PPP2R5C: variants seen among roughly 807,000 people sequenced by gnomAD.
PPP2R5C encodes the protein serine/threonine-protein phosphatase 2A 56 kDa regulatory subunit gamma isoform.
Under a neutral mutation model 68.9 loss-of-function variants are expected in PPP2R5C, and 7 were observed. The observed-to-expected ratio is 0.10, with a 90% CI of 0.06 to 0.19. PPP2R5C has a LOEUF of 0.19. Ranked by LOEUF, PPP2R5C falls within the 10% of genes least tolerant of loss-of-function variation. The pLI, the probability that PPP2R5C is intolerant of heterozygous loss-of-function variation, is 1.00. For missense variants in PPP2R5C, 348 were observed against 641.3 expected (o/e 0.54, Z 4.94); for synonymous variants, 210 against 222.2 (o/e 0.95, Z 0.49).
At chr14:101,760,633 T>A, upstream of PPP2R5C, 1 of 748,756 alleles carries the variant, frequency 1.3e-6, no homozygotes, top group Non-Finnish European at 1.5e-6. Context: ...GGCGGGACCT[T>A]GCGGGAGAAA....
chr14:101,776,172 G>A (rs185682617), intron 2 of PPP2R5C, among the ~76,000 whole-genome samples: 78 of 152,174 alleles, frequency 5.1e-4, no homozygotes, highest in African/African-American at 1.7e-3. Flanking sequence ...GGGAAGGGCC[G>A]ACTATTTTGA....
In PPP2R5C at chr14:101,856,930, A is replaced by T. The variant is rs762972111; in HGVS notation, c.294+45A>T. 3 of 1,572,346 alleles carry T rather than the reference A, an allele frequency of 1.9e-6. No individual in the cohort carries two copies. In the South Asian group the frequency reaches 3.3e-5, roughly 18 times the overall value. ...CCAGTGTGTCCCAGTTCTGATTTATAAACAGGACAGGCCAAGATCTCTGAG... is the reference window on the plus strand; with the variant it reads ...CCAGTGTGTCCCAGTTCTGATTTATTAACAGGACAGGCCAAGATCTCTGAG... On this transcript the variant is annotated intron_variant, in intron 2 of 13. Transcript: ENST00000334743.
At chr14:101,922,080 C>T (rs577776944) in intron 13 of PPP2R5C, 14 of 985,402 alleles carry the variant, frequency 1.4e-5, no homozygotes, top group Admixed American at 1.2e-4. Context: ...ACGTGTAGAG[C>T]ACATTGAAGG....
At chr14:101,927,811 G>A (rs2047335141) in exon 14 of PPP2R5C, 1 of 152,414 alleles carries the variant, frequency 6.6e-6, no homozygotes, top group Non-Finnish European at 1.5e-5. Context: ...GAAATGTTAA[G>A]TACCGACATA....
intron 3 of PPP2R5C, among the ~76,000 whole-genome samples, chr14:101,804,478 A>C (rs889857155): frequency 6.6e-6 from 1 of 151,980 alleles, no homozygotes; most frequent in African/African-American, 2.4e-5. Flanking sequence ...CTAAGTGTCC[A>C]TCAACAGATG....
chr14:101,840,802 C>T (rs1472575106), intron 1 of PPP2R5C, among the ~76,000 whole-genome samples: 1 of 152,134 alleles, frequency 6.6e-6, no homozygotes, highest in Non-Finnish European at 1.5e-5. Flanking sequence ...TTATGCAGAA[C>T]CAGACATTGT....
At chr14:101,821,530 T>C (rs996209836) in intron 1 of PPP2R5C, among the ~76,000 whole-genome samples, 2 of 151,874 alleles carry the variant, frequency 1.3e-5, no homozygotes, top group Admixed American at 1.3e-4. Context: ...TCACAGAGTA[T>C]ATAGCATTTT....
chr14:101,788,503 A>C (rs1454618714), intron 3 of PPP2R5C, among the ~76,000 whole-genome samples: 2 of 152,142 alleles, frequency 1.3e-5, no homozygotes, highest in Non-Finnish European at 2.9e-5. Flanking sequence ...GCCTCTTTCT[A>C]CATCTGTTCT....
At chr14:101,802,125 C>T (rs755259713) in intron 3 of PPP2R5C, among the ~76,000 whole-genome samples, 20 of 152,120 alleles carry the variant, frequency 1.3e-4, no homozygotes, top group South Asian at 4.1e-4. Context: ...AAGAATGAAG[C>T]GGGACCTGGC....
At chr14:101,919,986 A>C (rs1206589027) in intron 13 of PPP2R5C, among the ~76,000 whole-genome samples, 3 of 151,682 alleles carry the variant, frequency 2.0e-5, no homozygotes, top group African/African-American at 7.3e-5. Flanking sequence ...AAAAAAAAAA[A>C]AAAAAACCAA....
chr14:101,787,628 G>T (rs532477624), intron 3 of PPP2R5C, among the ~76,000 whole-genome samples: 4 of 151,990 alleles, frequency 2.6e-5, no homozygotes, highest in African/African-American at 9.7e-5. Flanking sequence ...TTAGCCAGGC[G>T]TGGTGGCGGG....
chr14:101,912,835 A>T (rs1271581006), intron 12 of PPP2R5C, among the ~76,000 whole-genome samples: 4 of 152,238 alleles, frequency 2.6e-5, no homozygotes, highest in African/African-American at 4.8e-5. Flanking sequence ...ATATGAAATT[A>T]GTTCTAAAAG....
chr14:101,859,541 G>A lies in PPP2R5C; in HGVS notation c.294+2656G>A, dbSNP rs139592339. On this transcript the variant is annotated intron_variant, in intron 2 of 13. Coordinates refer to ENST00000334743, the Ensembl canonical transcript of PPP2R5C. The stretch of plus-strand genomic sequence containing the variant: ...GTCTGGATCTGGAGGTAGAATAGGG[G>A]ATGGGGACAGATTGGATTTTTGGTT... Among the ~76,000 whole-genome samples the A allele has an allele frequency of 9.5e-3, 1,442 of 152,338 alleles. 12 individuals are homozygous for A. The highest frequency in any genetic ancestry group is 0.02 in the Middle Eastern group (6 of 294).
rs565631324 is a variant in PPP2R5C, at chr14:101,901,610, C to T, written c.853-109C>T. 303 of 1,062,272 alleles carry T rather than the reference C, an allele frequency of 2.9e-4. No homozygotes were observed. The African/African-American group carries it at 4.2e-3, about 15-fold the overall frequency. The allele number at this position is 1,062,272 out of a possible 1,614,324, so 65.8% of individuals were successfully genotyped here. ...TCTGTAAGGAAGATGGCACCATCTC[C>T]GTGTGTTGCCTTGCAGTGGGGCCAC... On this transcript the variant is annotated intron_variant, in intron 8 of 13. Transcript: ENST00000334743.
At chr14:101,912,994 G>A (rs1424617443) in intron 12 of PPP2R5C, among the ~76,000 whole-genome samples, 1 of 152,204 alleles carries the variant, frequency 6.6e-6, no homozygotes, top group Non-Finnish European at 1.5e-5. Context: ...CCCCAGCAGC[G>A]GGTGCCAGTG....
intron 2 of PPP2R5C, among the ~76,000 whole-genome samples, chr14:101,866,676 A>T (rs1297047897): frequency 6.6e-6 from 1 of 152,154 alleles, no homozygotes; most frequent in Non-Finnish European, 1.5e-5. Context: ...TCTCAAAAAA[A>T]TAAATAAATA....
intron 1 of PPP2R5C, among the ~76,000 whole-genome samples, chr14:101,851,488 G>A (rs2042151001): frequency 2.6e-5 from 4 of 152,068 alleles, no homozygotes; most frequent in Admixed American, 2.6e-4. Flanking sequence ...ACCTGATGAC[G>A]CTGTGGTCTC....
chr14:101,809,834 C>T (rs571360802), upstream of PPP2R5C: 1 of 1,463,746 alleles, frequency 6.8e-7, no homozygotes, highest in South Asian at 1.4e-5. Context: ...ACGAACCAGC[C>T]AGTTCCCTCC....
chr14:101,862,285 C>T (rs1732152757), intron 2 of PPP2R5C, among the ~76,000 whole-genome samples: 1 of 152,150 alleles, frequency 6.6e-6, no homozygotes, highest in Admixed American at 6.5e-5. Flanking sequence ...TGCAGACACT[C>T]CTGCTGAGCT....
Sources: allele counts gnomAD v4.1 joint callset (sites outside exome capture counted in the v4.1 genomes callset), GRCh38; gene constraint gnomAD v4.1.1; transcripts MANE v1.5; gene names NCBI Gene and HGNC (gene_info 2026-07-23, HGNC 2026-07-21).